ZNF431: variants seen among roughly 807,000 people sequenced by gnomAD.
The protein encoded by ZNF431 is zinc finger protein 431.
Under a neutral mutation model 57.0 loss-of-function variants are expected in ZNF431, and 34 were observed. The ratio of observed to expected loss-of-function variants is 0.60; its 90% CI spans 0.45 to 0.79. ZNF431 has a LOEUF of 0.79. ZNF431 is among the 30% of genes least tolerant of loss of function. The pLI, the probability that ZNF431 is intolerant of heterozygous loss-of-function variation, is 0.00. For synonymous variants in ZNF431, 207 were observed against 220.3 expected (o/e 0.94, Z 0.54); for missense variants, 607 against 667.1 (o/e 0.91, Z 0.99).
In ZNF431 at chr19:21,168,041, T is replaced by G. The variant is rs73541741; in HGVS notation, c.319+375T>G. On this transcript the variant is annotated intron_variant, in intron 4 of 4. Transcript: ENST00000311048. ...TTGTTAAATTATTTTTTAGTTCTCT[T>G]TTTGAATCCTGTCTGAAATATGTGA... 6.8e-3 allele frequency among the ~76,000 whole-genome samples: 1,039 copies of G among 152,274 alleles called. 18 individuals carry two copies. The highest frequency in any genetic ancestry group is 0.024 in the African/African-American group (1,006 of 41,570).
intron 2 of ZNF431, chr19:21,150,035 C>T (rs1219253511): frequency 1.0e-5 from 6 of 594,798 alleles, no homozygotes; most frequent in African/African-American, 3.7e-5. Flanking sequence ...AATTCCTGCT[C>T]GAAGGACACG....
chr19:21,145,278 A>G lies in ZNF431; in HGVS notation c.96+1635A>G, dbSNP rs572306472. On this transcript the variant is annotated intron_variant, in intron 2 of 4. Coordinates refer to ENST00000311048, the MANE Select transcript of ZNF431 (RefSeq NM_133473.4). ...ATCACGAGGTCAGGAGATCGAGACC[A>G]TCCTGGCTAACACGGTGAAAGCCCG... Among the ~76,000 whole-genome samples the G allele has an allele frequency of 1.2e-4, 18 of 152,282 alleles. No individual in the cohort carries two copies. In the South Asian group the frequency reaches 1.5e-3, roughly 12 times the overall value.
chr19:21,172,637 T>TA (rs1252988125), intron 4 of ZNF431, among the ~76,000 whole-genome samples: 1 of 151,964 alleles, frequency 6.6e-6, no homozygotes, highest in Non-Finnish European at 1.5e-5. Context: ...TTCCTCTCTA[T>TA]AAAAATTTTT....
intron 2 of ZNF431, among the ~76,000 whole-genome samples, chr19:21,161,615 A>AG (rs1970566229): frequency 6.6e-6 from 1 of 152,176 alleles, no homozygotes; most frequent in Non-Finnish European, 1.5e-5. Context: ...AGAATTCTAC[A>AG]GAGGGTCCAG....
At chr19:21,176,220 C>T (rs1350785944) in intron 4 of ZNF431, among the ~76,000 whole-genome samples, 3 of 146,006 alleles carry the variant, frequency 2.1e-5, no homozygotes, top group Non-Finnish European at 3.0e-5. Flanking sequence ...AGAAGTGTTT[C>T]TTCTTGTTCT....
In ZNF431 at chr19:21,183,054, A is replaced by G; in HGVS notation, c.751A>G (p.Lys251Glu). 3.1e-6 allele frequency: 5 copies of G among 1,614,116 alleles called. No individual in the cohort carries two copies. The highest frequency in any genetic ancestry group is 4.2e-6 in the Non-Finnish European group (5 of 1,179,964). ...ATGGTTCTCAACCCTTACTAGACAC[A>G]AGAGAATTCATACTGGAGAGAAACC... ...FKWFSTLTRHKRIHTGEKPFK... is the reference protein window; with the variant it reads ...FKWFSTLTRHERIHTGEKPFK... The change falls in exon 5 of 5, where the codon AAG becomes GAG. Residue 251 changes from lysine to glutamate, a missense_variant. Coordinates refer to ENST00000311048, the MANE Select transcript of ZNF431 (RefSeq NM_133473.4).
intron 4 of ZNF431, among the ~76,000 whole-genome samples, chr19:21,170,894 C>T (rs1356562133): frequency 6.6e-6 from 1 of 152,040 alleles, no homozygotes; most frequent in Non-Finnish European, 1.5e-5. Context: ...AGGCTGGTCT[C>T]GAACTCCTGA....
At chr19:21,146,620 C>T (rs1448583041) in intron 2 of ZNF431, among the ~76,000 whole-genome samples, 1 of 152,154 alleles carries the variant, frequency 6.6e-6, no homozygotes, top group East Asian at 1.9e-4. Context: ...GCTGTCATGA[C>T]ACTTGTGGGA....
Position 21,177,557 on chromosome 19 carries a change from C to T in ZNF431, c.320-5066C>T, listed in dbSNP as rs1471134532. ...ATCTCAGCATTTTGGGAGGCTGAGG[C>T]GGGTGGATCACTTGAGGTCAGGAGT... On this transcript the variant is annotated intron_variant, in intron 4 of 4. Transcript: ENST00000311048. Among the ~76,000 whole-genome samples, 8 of 152,170 alleles carry T rather than the reference C, an allele frequency of 5.3e-5. No individual in the cohort carries two copies. In the East Asian group the frequency reaches 7.7e-4, roughly 15 times the overall value.
intron 4 of ZNF431, among the ~76,000 whole-genome samples, chr19:21,171,585 T>C (rs546224505): frequency 4.0e-4 from 61 of 151,622 alleles, no homozygotes; most frequent in Non-Finnish European, 6.3e-4. Flanking sequence ...TTATGACTTA[T>C]CTCATATATA....
rs1450822553 is a variant in ZNF431 at position 21,183,442 on chromosome 19, G to T, written c.1139G>T (p.Gly380Val). 1.2e-6 allele frequency: 2 copies of T among 1,604,542 alleles called. No individual in the cohort carries two copies. Among genetic ancestry groups the T allele is most frequent in the Non-Finnish European group, 1.7e-6 (2 of 1,176,942 alleles). The change falls in exon 5 of 5, where the codon GGC becomes GTC. Residue 380 changes from glycine to valine, a missense_variant. Coordinates refer to ENST00000311048, the MANE Select transcript of ZNF431 (RefSeq NM_133473.4). ...KSYKCEECGK[G>V]FNWSSTLTKH... Reference sequence around the variant, plus strand: ...TACAAATGTGAAGAATGTGGCAAAGGCTTTAATTGGTCCTCAACCCTTACT... The same window carrying T: ...TACAAATGTGAAGAATGTGGCAAAGTCTTTAATTGGTCCTCAACCCTTACT...
At chr19:21,173,260 T>C (rs933605573) in intron 4 of ZNF431, among the ~76,000 whole-genome samples, 1 of 152,202 alleles carries the variant, frequency 6.6e-6, no homozygotes, top group African/African-American at 2.4e-5. Context: ...TGTTCAAATA[T>C]GTCTTCTAGG....
intron 4 of ZNF431, among the ~76,000 whole-genome samples, chr19:21,182,217 TA>T (rs1971225851): frequency 6.6e-6 from 1 of 151,868 alleles, no homozygotes; most frequent in South Asian, 2.1e-4. Flanking sequence ...GAAGGGCCCC[TA>T]GAAGCAAGTA....
rs1971518637 is a variant in ZNF431, at chr19:21,191,947, G to T, written c.*7913G>T. On this transcript the variant is annotated 3_prime_UTR_variant, in exon 5 of 5. Coordinates refer to ENST00000311048, the MANE Select transcript of ZNF431 (RefSeq NM_133473.4). ...TTGCATTATACCTGTAGGTCATTTT[G>T]TGTAATACAAATATTAATGTCAGTT... The T allele has an allele frequency of 6.6e-6, 1 of 152,150 alleles. No individual in the cohort carries two copies. The highest frequency in any genetic ancestry group is 2.4e-5 in the African/African-American group (1 of 41,418). The allele number at this position is 152,150 out of a possible 1,614,324, so 9.4% of individuals were successfully genotyped here. A position where few individuals can be genotyped will look rare whatever the true frequency, so the allele number is the denominator to read the frequency against.
chr19:21,162,153 T>C (rs893022491), intron 2 of ZNF431, among the ~76,000 whole-genome samples: 1 of 148,360 alleles, frequency 6.7e-6, no homozygotes, highest in African/African-American at 2.5e-5. Context: ...ATTGTGTGTG[T>C]GTGTGTGTGT....
rs1463183119 is a variant in ZNF431, at chr19:21,184,060, T to TA, written c.*29dup. 2 of 1,527,636 alleles carry TA rather than the reference T, an allele frequency of 1.3e-6. No homozygotes were observed. Among genetic ancestry groups the TA allele is most frequent in the East Asian group, 4.5e-5 (2 of 44,278 alleles). 94.6% of individuals were successfully genotyped at this position (1,527,636 alleles called of 1,614,324 possible). ...GCAGTCCTCAACTCTTACTAAGCAT[T>TA]AAATATTGGCCGGGTGCGGTGGCTT... On this transcript the variant is annotated 3_prime_UTR_variant, in exon 5 of 5. Transcript: ENST00000311048.
intron 2 of ZNF431, among the ~76,000 whole-genome samples, chr19:21,155,668 A>C (rs1970398241): frequency 6.6e-6 from 1 of 152,126 alleles, no homozygotes; most frequent in African/African-American, 2.4e-5. Context: ...GGGGTTTGTC[A>C]CTGGCATCTG....
intron 4 of ZNF431, among the ~76,000 whole-genome samples, chr19:21,174,407 C>A (rs955771208): frequency 6.6e-5 from 10 of 151,996 alleles, no homozygotes; most frequent in Admixed American, 6.6e-5. Context: ...TATTTTGGAG[C>A]CCTTATGTCA....
At chr19:21,166,223 A>G (rs1970716600) in intron 2 of ZNF431, 112 bp from the exon 3 acceptor site, 12 of 1,440,506 alleles carry the variant, frequency 8.3e-6, no homozygotes, top group South Asian at 2.8e-5. Context: ...AGTTATTCTT[A>G]TAAGTCAGAA....
Sources: allele counts gnomAD v4.1 joint callset (sites outside exome capture counted in the v4.1 genomes callset), GRCh38; gene constraint gnomAD v4.1.1; transcripts MANE v1.5; gene names NCBI Gene and HGNC (gene_info 2026-07-23, HGNC 2026-07-21).